The following STRN variants were observed in gnomAD, a reference collection of about 807,000 sequenced individuals.
STRN encodes protein phosphatase 2 regulatory subunit B'''alpha.
Under a neutral mutation model 96.3 loss-of-function variants are expected in STRN, and 53 were observed. The ratio of observed to expected loss-of-function variants is 0.55; its 90% confidence interval spans 0.44 to 0.69. STRN has a LOEUF of 0.69. Among genes scored for constraint, STRN ranks in the 30% least tolerant of loss-of-function variants. The probability of loss-of-function intolerance (pLI) is 0.00; values close to 1 mark genes in which losing one functional copy is unlikely to be tolerated. For synonymous variants in STRN, 428 were observed against 355.9 expected (o/e 1.20, Z -2.28); for missense variants, 987 against 963.9 (o/e 1.02, Z -0.32).
chr2:36,948,875 G>A (rs982498354), intron 1 of STRN, among the ~76,000 whole-genome samples: 3 of 152,180 alleles, frequency 2.0e-5, no homozygotes, highest in East Asian at 1.9e-4. Flanking sequence ...CAAGGTGGTC[G>A]AAGGACATTC....
Position 36,849,749 on chromosome 2 carries a change from G to C in STRN, c.2138C>G (p.Ala713Gly). The part of the protein sequence containing the change: ...VAHLEAVTSL[A>G]VDPNGLYLMS... ...CAAGTAAAGGCCATTGGGATCAACT[G>C]CTAAACTTGTAACAGCTTCTAGGTG... is the stretch of plus-strand genomic sequence containing the variant. The change falls in exon 17 of 18, where the codon GCA (alanine) becomes GGA (glycine). Residue 713 changes from alanine (A) to glycine (G), a missense_variant. Transcript: ENST00000263918. 1 of 1,614,136 alleles carries C rather than the reference G, an allele frequency of 6.2e-7. No homozygotes were observed. Among genetic ancestry groups the C allele is most frequent in the South Asian group, 1.1e-5 (1 of 91,078 alleles).
At chr2:36,965,464 T>C (rs3770772) in intron 1 of STRN, among the ~76,000 whole-genome samples, 51,498 of 152,086 alleles carry the variant, frequency 0.34, 11,058 homozygotes, top group African/African-American at 0.6. Context: ...TCAAAGTCCC[T>C]TTAGTTCCTT....
intron 1 of STRN, among the ~76,000 whole-genome samples, chr2:36,937,523 A>G (rs1670735393): frequency 6.6e-6 from 1 of 151,860 alleles, no homozygotes; most frequent in Non-Finnish European, 1.5e-5. Flanking sequence ...TAAATAACTT[A>G]GCGGAGCATG....
chr2:36,863,159 G>A (rs1449682881), intron 12 of STRN, among the ~76,000 whole-genome samples: 5 of 152,006 alleles, frequency 3.3e-5, no homozygotes, highest in African/African-American at 1.2e-4. Context: ...AATGTGTGCA[G>A]AAGCTCTTCA....
chr2:36,861,354 T>A, intron 12 of STRN, 101 bp from the exon 13 acceptor site: 2 of 1,434,054 alleles, frequency 1.4e-6, no homozygotes, highest in Non-Finnish European at 1.9e-6. Flanking sequence ...AATGGCTATT[T>A]TTCTGCTTTT....
At chr2:36,881,869 A>T (rs747133823) in intron 9 of STRN, among the ~76,000 whole-genome samples, 1 of 152,228 alleles carries the variant, frequency 6.6e-6, no homozygotes, top group Non-Finnish European at 1.5e-5. Context: ...CCTTATCTAG[A>T]CCTGATTTTG....
intron 10 of STRN, among the ~76,000 whole-genome samples, chr2:36,876,787 G>A (rs1273133059): frequency 2.0e-5 from 3 of 149,730 alleles, no homozygotes; most frequent in South Asian, 2.1e-4. Flanking sequence ...TTGCTCTGTC[G>A]CCCAGGCTGG....
At chr2:36,943,155 A>G (rs1670888233) in intron 1 of STRN, among the ~76,000 whole-genome samples, 1 of 152,152 alleles carries the variant, frequency 6.6e-6, no homozygotes, top group Non-Finnish European at 1.5e-5. Flanking sequence ...GATTTTTTAA[A>G]TTCTTGTTAG....
intron 9 of STRN, among the ~76,000 whole-genome samples, chr2:36,882,399 G>T (rs1669095186): frequency 6.6e-6 from 1 of 152,024 alleles, no homozygotes; most frequent in Non-Finnish European, 1.5e-5. Flanking sequence ...TAAGAGACAG[G>T]GTTTCAGTAT....
chr2:36,864,124 T>G (rs2148141912), intron 12 of STRN, among the ~76,000 whole-genome samples: 1 of 152,328 alleles, frequency 6.6e-6, no homozygotes, highest in South Asian at 2.1e-4. Flanking sequence ...TGACTGCCTT[T>G]CTTCCTATTT....
At chr2:36,937,086 G>A (rs1460131847) in intron 1 of STRN, among the ~76,000 whole-genome samples, 6 of 152,192 alleles carry the variant, frequency 3.9e-5, no homozygotes, top group Non-Finnish European at 8.8e-5. Flanking sequence ...GCTCATGCTT[G>A]TAATCCCAGC....
chr2:36,956,199 T>C (rs1478740722), intron 1 of STRN, among the ~76,000 whole-genome samples: 1 of 152,146 alleles, frequency 6.6e-6, no homozygotes, highest in African/African-American at 2.4e-5. Context: ...CTTATATAAA[T>C]AATAAATCTA....
chr2:36,878,119 G>A (rs75801886), intron 9 of STRN, 92 bp from the exon 10 acceptor site: 13,766 of 1,349,682 alleles, frequency 0.01, 96 homozygotes, highest in Non-Finnish European at 0.012. Context: ...ATAAGTGCAC[G>A]TATATACTTA....
At chr2:36,875,895 G>A (rs866385622) in intron 10 of STRN, among the ~76,000 whole-genome samples, 1 of 152,148 alleles carries the variant, frequency 6.6e-6, no homozygotes, top group Non-Finnish European at 1.5e-5. Flanking sequence ...TTGACCTCGT[G>A]ATCTGCCCGC....
intron 1 of STRN, among the ~76,000 whole-genome samples, chr2:36,925,580 C>G (rs569639286): frequency 1.3e-5 from 2 of 152,168 alleles, no homozygotes; most frequent in East Asian, 3.9e-4. Context: ...AGTTCAAGAC[C>G]AGCCTGGCCA....
intron 2 of STRN, among the ~76,000 whole-genome samples, chr2:36,919,339 C>G (rs1670188225): frequency 1.3e-5 from 2 of 152,094 alleles, no homozygotes; most frequent in Admixed American, 1.3e-4. Context: ...CTAATTCGGT[C>G]AAAACTGGTG....
At chr2:36,910,594 T>C (rs1486382397) in intron 3 of STRN, among the ~76,000 whole-genome samples, 2 of 152,164 alleles carry the variant, frequency 1.3e-5, no homozygotes, top group South Asian at 2.1e-4. Flanking sequence ...TAAGAATTAC[T>C]GCTAATAAGT....
intron 10 of STRN, among the ~76,000 whole-genome samples, chr2:36,877,231 T>A (rs1668938227): frequency 6.6e-6 from 1 of 152,188 alleles, no homozygotes; most frequent in Admixed American, 6.5e-5. Flanking sequence ...ACTAGTGTAC[T>A]AAAGAAGCAA....
At chr2:36,926,816 T>G (rs1670422001) in intron 1 of STRN, among the ~76,000 whole-genome samples, 1 of 152,180 alleles carries the variant, frequency 6.6e-6, no homozygotes, top group African/African-American at 2.4e-5. Flanking sequence ...AAGACTCTTT[T>G]GAAATTATAT....
Sources: allele counts gnomAD v4.1 joint callset (sites outside exome capture counted in the v4.1 genomes callset), GRCh38; gene constraint gnomAD v4.1.1; transcripts MANE v1.5; gene names NCBI Gene and HGNC (gene_info 2026-07-23, HGNC 2026-07-21).